The following CUL2 variants were observed in gnomAD, a reference collection of about 807,000 sequenced individuals.
The protein encoded by CUL2 is cullin-2.
A neutral mutation model predicts 110.2 loss-of-function variants in CUL2; 22 were observed. The observed-to-expected ratio is 0.20, with a 90% CI of 0.14 to 0.28. CUL2 has a LOEUF of 0.28. Ranked by LOEUF, CUL2 falls within the 10% of genes least tolerant of loss-of-function variation. CUL2 has a pLI of 1.00. For synonymous variants in CUL2, 279 were observed against 293.2 expected, an observed-to-expected ratio of 0.95 and a Z score of 0.49; for missense variants, 631 against 905.5, an observed-to-expected ratio of 0.70 and a Z score of 3.89.
chr10:35,070,360 C>T (rs1214078231), intron 2 of CUL2, among the ~76,000 whole-genome samples: 1 of 152,164 alleles, frequency 6.6e-6, no homozygotes, highest in African/African-American at 2.4e-5. Context: ...CTTCTTGCAT[C>T]CACATTCAGC....
At chr10:35,073,861 C>T (rs59621927) in intron 1 of CUL2, among the ~76,000 whole-genome samples, 20,642 of 152,180 alleles carry the variant, frequency 0.14, 1,596 homozygotes, top group South Asian at 0.2. Flanking sequence ...CCACCTTGGC[C>T]TCCCAAAGTG....
At chr10:35,033,498 A>T (rs933437501) in intron 10 of CUL2, among the ~76,000 whole-genome samples, 6 of 152,240 alleles carry the variant, frequency 3.9e-5, no homozygotes, top group African/African-American at 1.4e-4. Context: ...CACTTCTGGG[A>T]GGCTGAGGCG....
chr10:35,113,114 T>C (rs1041542477), intron 1 of CUL2, among the ~76,000 whole-genome samples: 2 of 124,654 alleles, frequency 1.6e-5, no homozygotes, highest in Admixed American at 2.2e-4. Flanking sequence ...ATCCGGGAGG[T>C]GGAGATAGCA....
chr10:35,062,844 A>G (rs2086419024), intron 3 of CUL2, 116 bp downstream of exon 3: 1 of 624,166 alleles, frequency 1.6e-6, no homozygotes, highest in Non-Finnish European at 2.8e-6. Flanking sequence ...ATTTAAAAAA[A>G]GCAGCAGCAG....
At chr10:35,114,419 G>T (rs1028485326) in intron 1 of CUL2, among the ~76,000 whole-genome samples, 6 of 151,754 alleles carry the variant, frequency 4.0e-5, no homozygotes, top group African/African-American at 1.2e-4. Context: ...TCTTGCTCTT[G>T]TCACCCAGGC....
At chr10:35,076,093 C>T (rs1270080320) in intron 1 of CUL2, among the ~76,000 whole-genome samples, 1 of 152,000 alleles carries the variant, frequency 6.6e-6, no homozygotes, top group Non-Finnish European at 1.5e-5. Flanking sequence ...TTTGGCAATA[C>T]GAGGAAATGA....
intron 1 of CUL2, among the ~76,000 whole-genome samples, chr10:35,106,827 G>A (rs2087463409): frequency 6.6e-6 from 1 of 151,948 alleles, no homozygotes; most frequent in Admixed American, 6.6e-5. Context: ...TTGAAAGTAG[G>A]CTGAAGGCTA....
intron 6 of CUL2, among the ~76,000 whole-genome samples, chr10:35,047,607 C>CAA (rs61467648): frequency 0.014 from 1,632 of 120,160 alleles, 17 homozygotes; most frequent in Admixed American, 0.019. Flanking sequence ...AAGACTGTCT[C>CAA]AAAAAAAAAA....
intron 6 of CUL2, among the ~76,000 whole-genome samples, chr10:35,048,692 G>A (rs2086013994): frequency 1.3e-5 from 2 of 152,154 alleles, no homozygotes; most frequent in African/African-American, 4.8e-5. Flanking sequence ...TTCCTCTCCA[G>A]CTCTCTATCT....
At chr10:35,074,324 C>CTG (rs2086761027) in intron 1 of CUL2, 1 of 774,950 alleles carries the variant, frequency 1.3e-6, no homozygotes, top group Middle Eastern at 2.2e-4. Context: ...GTACTCCCTA[C>CTG]TGTGACATCA....
chr10:35,121,062 G>C (rs1564760249), intron 1 of CUL2, among the ~76,000 whole-genome samples: 1 of 152,070 alleles, frequency 6.6e-6, no homozygotes, highest in African/African-American at 2.4e-5. Context: ...CTTAGTCCTA[G>C]TGTGAGCACA....
chr10:35,043,887 G>C (rs529290721), intron 8 of CUL2, among the ~76,000 whole-genome samples: 104 of 151,948 alleles, frequency 6.8e-4, no homozygotes, highest in African/African-American at 2.5e-3. Flanking sequence ...GGGCAACACA[G>C]CAAGACCCCA....
chr10:35,021,414 C>T (rs1400722343), intron 17 of CUL2, among the ~76,000 whole-genome samples: 1 of 151,644 alleles, frequency 6.6e-6, no homozygotes, highest in Admixed American at 6.6e-5. Context: ...TATAAACATA[C>T]ATTTTTTTAT....
At chr10:35,086,142 T>C (rs1487748864) in intron 1 of CUL2, among the ~76,000 whole-genome samples, 1 of 151,260 alleles carries the variant, frequency 6.6e-6, no homozygotes. Context: ...GAGGCTGCAG[T>C]GGGCTGAGAT....
In CUL2 at chr10:35,031,379, G is replaced by A; in HGVS notation, c.1307C>T (p.Ala436Val). ...DDKDVFQKFY[A>V]RMLAKRLIHG... The stretch of plus-strand genomic sequence containing the variant: ...AATTAAACGTTTTGCCAGCATTCTT[G>A]CGTAGAACTACATTTAAAAATATTT... The change falls in exon 14 of 21, where the codon GCA becomes GTA. Residue 436 changes from alanine to valine, a missense_variant. Physicochemically the swap from Ala to Val is moderately conservative, Grantham distance 64. Transcript: ENST00000374749. This position sits in a 1 kb window ranked among gnomAD's most constrained non-coding sequence, Gnocchi z 4.4. 1 of 1,608,002 alleles carries A rather than the reference G, an allele frequency of 6.2e-7. No individual in the cohort carries two copies. The highest frequency in any genetic ancestry group is 8.5e-7 in the Non-Finnish European group (1 of 1,176,880).
intron 3 of CUL2, among the ~76,000 whole-genome samples, chr10:35,062,603 C>G (rs11010083): frequency 0.34 from 51,268 of 150,758 alleles, 8,723 homozygotes; most frequent in South Asian, 0.35. Context: ...AGGCCAAGGC[C>G]GGAGGATCAC....
At chr10:35,040,332 T>C (rs368363807) in intron 8 of CUL2, among the ~76,000 whole-genome samples, 24 of 152,322 alleles carry the variant, frequency 1.6e-4, no homozygotes, top group African/African-American at 5.5e-4. Context: ...AGAATTTGAC[T>C]AATTTCTGTC....
At chr10:35,103,565 C>G (rs1002053311) in intron 1 of CUL2, among the ~76,000 whole-genome samples, 4 of 151,920 alleles carry the variant, frequency 2.6e-5, no homozygotes, top group Admixed American at 2.6e-4. Flanking sequence ...CCTCGTGATC[C>G]GCCCGTCTCG....
intron 1 of CUL2, among the ~76,000 whole-genome samples, chr10:35,122,940 C>T (rs1465666688): frequency 1.3e-5 from 2 of 152,120 alleles, no homozygotes; most frequent in African/African-American, 4.8e-5. Flanking sequence ...CTGTGCCTGG[C>T]CAATATCCCC....
Sources: allele counts gnomAD v4.1 joint callset (sites outside exome capture counted in the v4.1 genomes callset), GRCh38; gene constraint gnomAD v4.1.1; non-coding constraint Gnocchi (gnomAD v3.1); transcripts MANE v1.5; gene names NCBI Gene and HGNC (gene_info 2026-07-23, HGNC 2026-07-21).